TRIO: variants seen among roughly 807,000 people sequenced by gnomAD.
TRIO encodes trio Rho guanine nucleotide exchange factor, also known as triple functional domain protein.
A neutral mutation model predicts 351.9 loss-of-function variants in TRIO; 58 were observed. That is an observed-to-expected ratio of 0.16 (90% confidence interval 0.13 to 0.21). The LOEUF (loss-of-function observed/expected upper bound fraction) is 0.21. Among genes scored for constraint, TRIO ranks in the 10% least tolerant of loss-of-function variants. The pLI, the probability that TRIO is intolerant of heterozygous loss-of-function variation, is 1.00. For synonymous variants in TRIO, 1,758 were observed against 1,595.7 expected (o/e 1.10, Z -2.42); for missense variants, 3,201 against 4,027.8 (o/e 0.79, Z 5.56).
chr5:14,417,077 C>G (rs1487508815), intron 33 of TRIO, among the ~76,000 whole-genome samples: 1 of 152,222 alleles, frequency 6.6e-6, no homozygotes, highest in African/African-American at 2.4e-5. Flanking sequence ...CACCCCAGCT[C>G]TAAGTCACGG....
At chr5:14,261,025 C>G (rs897064159) in intron 1 of TRIO, among the ~76,000 whole-genome samples, 7 of 152,134 alleles carry the variant, frequency 4.6e-5, no homozygotes, top group Non-Finnish European at 1.0e-4. Context: ...CTCCTTAAAC[C>G]CTTTTTTGTT....
intron 7 of TRIO, among the ~76,000 whole-genome samples, chr5:14,297,833 A>G (rs1233139408): frequency 1.3e-5 from 2 of 152,218 alleles, no homozygotes; most frequent in Admixed American, 6.5e-5. Flanking sequence ...CAGTCAGGGC[A>G]GCACACCTCA....
At chr5:14,489,306 A>G in intron 48 of TRIO, 1 of 417,190 alleles carries the variant, frequency 2.4e-6, no homozygotes, top group South Asian at 3.1e-5. Flanking sequence ...GAAATTAACA[A>G]ATGGGTCTTG....
At chr5:14,390,436 C>A in intron 26 of TRIO, 136 bp downstream of exon 26, 1 of 747,970 alleles carries the variant, frequency 1.3e-6, no homozygotes, top group Non-Finnish European at 2.2e-6. Flanking sequence ...GACTTTACCT[C>A]AAAGAATTGC....
intron 30 of TRIO, 55 bp downstream of exon 30, chr5:14,399,125 T>C: frequency 6.7e-7 from 1 of 1,502,064 alleles, no homozygotes; most frequent in Non-Finnish European, 9.3e-7. Flanking sequence ...TGCAGTCTTT[T>C]TGTAGGTAGA....
In TRIO at chr5:14,500,050, C is replaced by CAA. The variant is rs35276206; in HGVS notation, c.8332+1428_8332+1429dup. Among the ~76,000 whole-genome samples the CAA allele has an allele frequency of 4.5e-3, 410 of 90,982 alleles. 9 individuals carry two copies. Among genetic ancestry groups the CAA allele is most frequent in the East Asian group, 8.5e-3 (25 of 2,926 alleles). 59.7% of individuals were successfully genotyped at this position (90,982 alleles called of 152,430 possible). On this transcript the variant is annotated intron_variant, in intron 53 of 56. Transcript: ENST00000344204. Reference sequence around the variant, plus strand: ...TGGGTGACAGAGCGAGACTCTGTCTCAAAAAAAAAAAAAAAAAAAGACTAT... The same window carrying CAA: ...TGGGTGACAGAGCGAGACTCTGTCTCAAAAAAAAAAAAAAAAAAAAAGACTAT...
At chr5:14,197,122 G>A (rs16903280) in intron 1 of TRIO, among the ~76,000 whole-genome samples, 4,593 of 152,260 alleles carry the variant, frequency 0.03, 241 homozygotes, top group African/African-American at 0.1. Flanking sequence ...ATCAAGACAT[G>A]CCTGCCAGAA....
intron 3 of TRIO, among the ~76,000 whole-genome samples, chr5:14,282,006 G>A (rs56236343): frequency 0.014 from 2,177 of 152,320 alleles, 21 homozygotes; most frequent in Non-Finnish European, 0.023. Context: ...GCTGGCTGTG[G>A]CTGATGGCAA....
intron 19 of TRIO, among the ~76,000 whole-genome samples, chr5:14,375,795 A>C (rs1745508356): frequency 6.6e-6 from 1 of 152,184 alleles, no homozygotes; most frequent in Non-Finnish European, 1.5e-5. Flanking sequence ...AGACTAGAAA[A>C]AATGCGTTAT....
intron 1 of TRIO, among the ~76,000 whole-genome samples, chr5:14,225,200 T>C (rs957777631): frequency 5.3e-5 from 8 of 152,152 alleles, no homozygotes; most frequent in African/African-American, 1.9e-4. Context: ...TTTTATGGAT[T>C]GGGGTGAGGT....
At chr5:14,235,133 A>G (rs551225969) in intron 1 of TRIO, among the ~76,000 whole-genome samples, 62 of 152,322 alleles carry the variant, frequency 4.1e-4, no homozygotes, top group African/African-American at 1.4e-3. Context: ...AAACCAAAGT[A>G]AAAACTTGTT....
At chr5:14,160,912 C>T (rs1312322106) in intron 1 of TRIO, among the ~76,000 whole-genome samples, 1 of 152,106 alleles carries the variant, frequency 6.6e-6, no homozygotes, top group African/African-American at 2.4e-5. Flanking sequence ...CCCAAACATA[C>T]ATTTATTATT....
rs1459391903 is a variant in TRIO at position 14,398,999 on chromosome 5, T to G, written c.4543T>G (p.Ser1515Ala). 6.2e-7 allele frequency: 1 copy of G among 1,614,180 alleles called. No homozygotes were observed. Residue 1515 changes from serine (S) to alanine (A), a missense_variant, in exon 30 of 57, where the codon TCC (serine) becomes GCC (alanine). Around this residue, in one of 19 missense-constraint regions of TRIO, gnomAD observed 136 missense variants for 229.5 expected, o/e 0.59. Coordinates refer to ENST00000344204, the MANE Select transcript of TRIO (RefSeq NM_007118.4). ...RERHLFLFEMSLVFSKEVKDS... is the reference protein window; with the variant it reads ...RERHLFLFEMALVFSKEVKDS... ...ACGGCATCTCTTCCTTTTTGAAATG[T>G]CCTTAGTATTTAGTAAAGAAGTGAA...
intron 8 of TRIO, among the ~76,000 whole-genome samples, chr5:14,309,168 A>G (rs961878799): frequency 4.6e-5 from 7 of 151,184 alleles, no homozygotes; most frequent in South Asian, 2.1e-4. Flanking sequence ...TATTAAAAAT[A>G]CATGTGTTTG....
At chr5:14,380,412 C>T (rs573562530) in intron 20 of TRIO, among the ~76,000 whole-genome samples, 1 of 152,286 alleles carries the variant, frequency 6.6e-6, no homozygotes, top group South Asian at 2.1e-4. Context: ...TTCTCAGCCC[C>T]ATCCTGTCGT....
At chr5:14,324,725 C>G (rs749380289) in intron 9 of TRIO, among the ~76,000 whole-genome samples, 4 of 152,244 alleles carry the variant, frequency 2.6e-5, no homozygotes, top group Middle Eastern at 3.4e-3. Context: ...AAAGTCTGCT[C>G]TCTTTTTATT....
At chr5:14,226,284 T>A (rs1409535763) in intron 1 of TRIO, among the ~76,000 whole-genome samples, 1 of 149,632 alleles carries the variant, frequency 6.7e-6, no homozygotes, top group Non-Finnish European at 1.5e-5. Context: ...GTCACCAGGT[T>A]AGAAGGAGGG....
rs886351752 is a variant in TRIO at position 14,405,965 on chromosome 5, C to T, written c.4834C>T (p.Pro1612Ser). 6.2e-7 allele frequency: 1 copy of T among 1,612,750 alleles called. No individual in the cohort carries two copies. The highest frequency in any genetic ancestry group is 8.5e-7 in the Non-Finnish European group (1 of 1,179,636). ...KEPIHIPKTAPATRQKGRRDG... is the reference protein window; with the variant it reads ...KEPIHIPKTASATRQKGRRDG... Reference sequence around the variant, plus strand: ...GCCCATTCACATCCCTAAGACCGCTCCCGCCACAAGACAGAAGGGAAGGAG... The same window carrying T: ...GCCCATTCACATCCCTAAGACCGCTTCCGCCACAAGACAGAAGGGAAGGAG... The change falls in exon 32 of 57, where the codon CCC becomes TCC. Residue 1612 changes from proline (P) to serine (S), a missense_variant. This residue lies in a region of TRIO where 136 missense variants were observed against 229.5 expected (regional missense o/e 0.59). Transcript: ENST00000344204.
intron 34 of TRIO, among the ~76,000 whole-genome samples, chr5:14,432,282 T>G (rs1318157680): frequency 1.2e-5 from 1 of 80,186 alleles, no homozygotes; most frequent in Non-Finnish European, 3.3e-5. Context: ...AAAGTGAGAT[T>G]TTCAAAGCAG....
Sources: gnomAD v4.1 joint callset for allele counts (sites outside exome capture counted in the v4.1 genomes callset) on GRCh38, gnomAD v4.1.1 for gene constraint, gnomAD v4.1.1 regional missense constraint, MANE v1.5 for transcripts, NCBI Gene and HGNC (gene_info 2026-07-23, HGNC 2026-07-21) for gene names.